The following XRN1 variants were observed in gnomAD, a reference collection of about 807,000 sequenced individuals.
XRN1 encodes 5'-3' exoribonuclease 1.
XRN1 carries 67 observed loss-of-function variants against 222.3 expected under a neutral mutation model. That is an observed-to-expected ratio of 0.30 (90% CI 0.25 to 0.37). The LOEUF (loss-of-function observed/expected upper bound fraction) is 0.37. XRN1 is among the 10% of genes least tolerant of loss of function. XRN1 has a pLI of 1.00. For synonymous variants in XRN1, 643 were observed against 652.4 expected (o/e 0.99, Z 0.22); for missense variants, 1,707 against 2,000.2 (o/e 0.85, Z 2.80).
intron 1 of XRN1, among the ~76,000 whole-genome samples, chr3:142,444,310 A>C (rs1285892630): frequency 2.0e-4 from 30 of 152,152 alleles, no homozygotes; most frequent in Admixed American, 2.0e-3. Flanking sequence ...TAAAACAAAC[A>C]GAACAAAAAA....
intron 25 of XRN1, among the ~76,000 whole-genome samples, chr3:142,373,729 T>C (rs1450845682): frequency 2.6e-5 from 4 of 152,174 alleles, no homozygotes; most frequent in Admixed American, 6.5e-5. Context: ...GGCTCATACC[T>C]GTAATCCCAG....
chr3:142,327,338 T>C (rs898311959), intron 37 of XRN1, among the ~76,000 whole-genome samples: 4 of 152,126 alleles, frequency 2.6e-5, no homozygotes, highest in African/African-American at 9.6e-5. Context: ...TATGTTTTTA[T>C]GTGTCTCGGA....
chr3:142,366,740 C>T (rs950859038), intron 27 of XRN1, among the ~76,000 whole-genome samples: 4 of 152,066 alleles, frequency 2.6e-5, no homozygotes, highest in Non-Finnish European at 5.9e-5. Context: ...AAAGGAAAGA[C>T]TATGAAGAGA....
At position 142,308,919 on chromosome 3, in the gene XRN1, A is replaced by C. The variant is rs950176836; in HGVS notation, c.*2592T>G. ...TTTGGGGGTGGTCTTAGTCCACCCC[A>C]TCTCAAAGAGAGAATTTTAAATTTC... is the stretch of plus-strand genomic sequence containing the variant. On this transcript the variant is annotated 3_prime_UTR_variant, in exon 41 of 41. Coordinates refer to ENST00000392981, the MANE Select transcript of XRN1 (RefSeq NM_001282857.2). 6.6e-6 allele frequency: 1 copy of C among 152,238 alleles called. No homozygotes were observed. Among genetic ancestry groups the C allele is most frequent in the Non-Finnish European group, 1.5e-5 (1 of 68,040 alleles). 9.4% of individuals were successfully genotyped at this position (152,238 alleles called of 1,614,324 possible).
intron 24 of XRN1, 136 bp from the exon 25 acceptor site, chr3:142,376,080 T>C (rs774301770): frequency 2.4e-5 from 32 of 1,349,502 alleles, no homozygotes; most frequent in Non-Finnish European, 3.1e-5. Context: ...TATTCTTCTA[T>C]ATTTTAGTTA....
chr3:142,313,471 C>T (rs896634342), intron 39 of XRN1, among the ~76,000 whole-genome samples: 1 of 152,070 alleles, frequency 6.6e-6, no homozygotes. Flanking sequence ...ACAGCCTGTA[C>T]CAGTAGAGCA....
Position 142,308,269 on chromosome 3 carries a change from G to C in XRN1, c.*3242C>G, listed in dbSNP as rs548666935. Reference sequence around the variant, plus strand: ...GTGACTGGGTATGTCTTATTTAACTGTTTTTCTTCTTCCATCTGCCTCCCT... The same window carrying C: ...GTGACTGGGTATGTCTTATTTAACTCTTTTTCTTCTTCCATCTGCCTCCCT... On this transcript the variant is annotated 3_prime_UTR_variant, in exon 41 of 41. Transcript: ENST00000392981. 7.2e-5 allele frequency: 11 copies of C among 152,170 alleles called. No individual in the cohort carries two copies. The highest frequency in any genetic ancestry group is 1.6e-4 in the Non-Finnish European group (11 of 68,030). The allele number at this position is 152,170 out of a possible 1,614,324, so 9.4% of individuals were successfully genotyped here.
intron 18 of XRN1, among the ~76,000 whole-genome samples, chr3:142,402,173 T>C (rs549286357): frequency 1.1e-3 from 162 of 152,198 alleles, no homozygotes; most frequent in South Asian, 1.7e-3. Flanking sequence ...TGTATATAAA[T>C]AGCCTTTCTT....
chr3:142,426,617 T>C (rs2108129332), intron 3 of XRN1, 127 bp downstream of exon 3: 1 of 819,702 alleles, frequency 1.2e-6, no homozygotes, highest in Non-Finnish European at 1.9e-6. Context: ...CAAACATAAG[T>C]GGGAAAATAC....
chr3:142,421,812 G>T (rs2069046584), intron 8 of XRN1, among the ~76,000 whole-genome samples: 1 of 151,752 alleles, frequency 6.6e-6, no homozygotes, highest in Non-Finnish European at 1.5e-5. Flanking sequence ...AATTAAATAT[G>T]GTCTATAATC....
intron 15 of XRN1, among the ~76,000 whole-genome samples, chr3:142,408,370 T>C (rs2068433197): frequency 6.6e-6 from 1 of 152,104 alleles, no homozygotes; most frequent in African/African-American, 2.4e-5. Flanking sequence ...GGAATCTGGG[T>C]GTGTGCAGAA....
At chr3:142,313,152 G>A in intron 39 of XRN1, 1 of 1,612,864 alleles carries the variant, frequency 6.2e-7, no homozygotes, top group South Asian at 1.1e-5. Context: ...CCAATGCATA[G>A]TTGCTTCCAT....
At chr3:142,334,914 C>T (rs1034260656) in intron 34 of XRN1, among the ~76,000 whole-genome samples, 2 of 151,498 alleles carry the variant, frequency 1.3e-5, no homozygotes, top group Non-Finnish European at 1.5e-5. Context: ...CAGCTCACTG[C>T]GACCTTTGCC....
intron 25 of XRN1, 133 bp downstream of exon 25, chr3:142,375,665 A>T: frequency 1.2e-6 from 1 of 840,018 alleles, no homozygotes; most frequent in Non-Finnish European, 1.7e-6. Flanking sequence ...ATGCAAAATT[A>T]AGTTTACATG....
At chr3:142,313,234 G>A in intron 39 of XRN1, 1 of 1,530,776 alleles carries the variant, frequency 6.5e-7, no homozygotes, top group Non-Finnish European at 8.9e-7. Flanking sequence ...ATGACAGGTA[G>A]AATCTTTCTT....
At chr3:142,430,111 G>A (rs1241364806) in intron 2 of XRN1, among the ~76,000 whole-genome samples, 1 of 152,152 alleles carries the variant, frequency 6.6e-6, no homozygotes, top group African/African-American at 2.4e-5. Context: ...ATTTTGGTAG[G>A]GGGCTCTGAA....
At chr3:142,434,317 A>G (rs2069769013) in intron 1 of XRN1, among the ~76,000 whole-genome samples, 1 of 151,834 alleles carries the variant, frequency 6.6e-6, no homozygotes, top group African/African-American at 2.4e-5. Context: ...TGATAATTTC[A>G]TATCTTTTTC....
At chr3:142,431,443 G>A (rs1448016518) in intron 2 of XRN1, among the ~76,000 whole-genome samples, 1 of 152,084 alleles carries the variant, frequency 6.6e-6, no homozygotes, top group Non-Finnish European at 1.5e-5. Context: ...CACTTTGGGA[G>A]GCCAAGGTAG....
At chr3:142,392,772 C>T (rs534065005) in intron 20 of XRN1, among the ~76,000 whole-genome samples, 2 of 152,094 alleles carry the variant, frequency 1.3e-5, no homozygotes, top group South Asian at 2.1e-4. Context: ...GTGAATACTG[C>T]TGCAATAAAC....
Sources: allele counts gnomAD v4.1 joint callset (sites outside exome capture counted in the v4.1 genomes callset), GRCh38; gene constraint gnomAD v4.1.1; transcripts MANE v1.5; gene names NCBI Gene and HGNC (gene_info 2026-07-23, HGNC 2026-07-21).